Variants in GMDS observed in about 807,000 individuals in gnomAD.
GMDS encodes GDP-mannose 4,6-dehydratase.
In GMDS, 20 loss-of-function variants were observed where a neutral mutation model predicts 49.9. The observed-to-expected ratio is 0.40, with a 90% CI of 0.28 to 0.58. The LOEUF (loss-of-function observed/expected upper bound fraction) is 0.58. Among genes scored for constraint, GMDS ranks in the 20% least tolerant of loss-of-function variants. The pLI, the probability that GMDS is intolerant of heterozygous loss-of-function variation, is 0.42. For missense variants in GMDS, 362 were observed against 481.4 expected (o/e 0.75, Z 2.32); for synonymous variants, 177 against 178.6 (o/e 0.99, Z 0.07).
chr6:1,711,450 T>TAATA (rs1463879932), intron 9 of GMDS, among the ~76,000 whole-genome samples: 1 of 152,210 alleles, frequency 6.6e-6, no homozygotes, highest in Non-Finnish European at 1.5e-5. Context: ...GTAGTAGTAT[T>TAATA]GCCTGAGAAG....
intron 9 of GMDS, among the ~76,000 whole-genome samples, chr6:1,677,510 G>C: frequency 6.6e-6 from 1 of 151,996 alleles, no homozygotes; most frequent in East Asian, 1.9e-4. Context: ...TGTTTATTGT[G>C]GCACTATTCA....
intron 6 of GMDS, among the ~76,000 whole-genome samples, chr6:1,950,990 C>T (rs978024575): frequency 1.3e-5 from 2 of 152,146 alleles, no homozygotes; most frequent in Non-Finnish European, 2.9e-5. Flanking sequence ...CCAATAGTAG[C>T]CCCCTCCTCC....
At chr6:2,028,771 G>A (rs1380138219) in intron 4 of GMDS, among the ~76,000 whole-genome samples, 1 of 152,090 alleles carries the variant, frequency 6.6e-6, no homozygotes, top group Non-Finnish European at 1.5e-5. Flanking sequence ...TAAACAAAAC[G>A]ACAAGTAATG....
At chr6:2,109,777 G>A (rs1191431852) in intron 4 of GMDS, among the ~76,000 whole-genome samples, 2 of 152,212 alleles carry the variant, frequency 1.3e-5, no homozygotes, top group Non-Finnish European at 2.9e-5. Flanking sequence ...CATCCTCTGG[G>A]CACAGGGCCT....
chr6:2,080,010 A>C (rs1772584278), intron 4 of GMDS, among the ~76,000 whole-genome samples: 1 of 151,970 alleles, frequency 6.6e-6, no homozygotes, highest in Non-Finnish European at 1.5e-5. Context: ...TTATTCTTTT[A>C]ACATTATTTC....
At chr6:2,025,270 G>C (rs1768514839) in intron 4 of GMDS, among the ~76,000 whole-genome samples, 1 of 151,466 alleles carries the variant, frequency 6.6e-6, no homozygotes, top group Non-Finnish European at 1.5e-5. Context: ...TTCACATGTT[G>C]TTAATGCCAT....
At chr6:1,745,561 G>C (rs1767459807) in intron 7 of GMDS, among the ~76,000 whole-genome samples, 1 of 152,166 alleles carries the variant, frequency 6.6e-6, no homozygotes, top group South Asian at 2.1e-4. Flanking sequence ...GTTCCCGGCA[G>C]GAATCTAGGG....
chr6:1,780,047 C>T (rs564471727), intron 7 of GMDS, among the ~76,000 whole-genome samples: 29 of 152,324 alleles, frequency 1.9e-4, no homozygotes, highest in Admixed American at 1.7e-3. Flanking sequence ...CAGGAGCCAC[C>T]GTGAGCACGC....
chr6:1,655,114 C>T (rs1581417318), intron 9 of GMDS, among the ~76,000 whole-genome samples: 1 of 151,030 alleles, frequency 6.6e-6, no homozygotes, highest in South Asian at 2.1e-4. Flanking sequence ...TAAAATAACT[C>T]ACTATACTGA....
At chr6:1,632,314 A>G (rs145217814) in intron 9 of GMDS, among the ~76,000 whole-genome samples, 1 of 152,324 alleles carries the variant, frequency 6.6e-6, no homozygotes, top group Admixed American at 6.5e-5. Flanking sequence ...TTAATGCTGG[A>G]TGGAAACTGA....
intron 7 of GMDS, among the ~76,000 whole-genome samples, chr6:1,769,638 C>A (rs959447809): frequency 6.6e-6 from 1 of 152,222 alleles, no homozygotes; most frequent in Non-Finnish European, 1.5e-5. Flanking sequence ...AACAAACCAA[C>A]ATCAATTAGC....
intron 7 of GMDS, among the ~76,000 whole-genome samples, chr6:1,794,782 T>C (rs562110744): frequency 4.2e-4 from 64 of 152,352 alleles, no homozygotes; most frequent in South Asian, 2.5e-3. Flanking sequence ...AAAAATCATA[T>C]GGAACCTCTG....
intron 4 of GMDS, among the ~76,000 whole-genome samples, chr6:2,110,316 G>A (rs1255293342): frequency 2.0e-5 from 3 of 148,000 alleles, no homozygotes; most frequent in South Asian, 2.1e-4. Flanking sequence ...ATTAAGGTAC[G>A]GATTTCAACT....
intron 7 of GMDS, among the ~76,000 whole-genome samples, chr6:1,897,415 G>A (rs1760258015): frequency 6.6e-6 from 1 of 152,170 alleles, no homozygotes. Context: ...TTGGGGTTAG[G>A]TGGCAAAATT....
chr6:2,156,402 A>G (rs1156271898), intron 1 of GMDS, among the ~76,000 whole-genome samples: 1 of 152,188 alleles, frequency 6.6e-6, no homozygotes, highest in African/African-American at 2.4e-5. Context: ...ATCAAAGGCA[A>G]GCCTGCCTGC....
intron 9 of GMDS, among the ~76,000 whole-genome samples, chr6:1,691,656 G>A (rs1765178672): frequency 6.6e-6 from 1 of 152,144 alleles, no homozygotes; most frequent in Non-Finnish European, 1.5e-5. Context: ...GTTTTATATG[G>A]TATAGTTACA....
intron 4 of GMDS, among the ~76,000 whole-genome samples, 159 bp downstream of exon 4, chr6:2,115,612 T>C (rs2127499478): frequency 6.6e-6 from 1 of 152,348 alleles, no homozygotes; most frequent in East Asian, 1.9e-4. Context: ...AAAAAATCTA[T>C]GAGTACTTCA....
intron 1 of GMDS, among the ~76,000 whole-genome samples, chr6:2,179,292 A>C (rs961637385): frequency 1.3e-5 from 2 of 152,188 alleles, no homozygotes; most frequent in African/African-American, 4.8e-5. Context: ...GAAGACAAAA[A>C]GGTTATGCCA....
At chr6:1,797,517 AAGTATATGTC>A (rs1326846397) in intron 7 of GMDS, among the ~76,000 whole-genome samples, 2 of 152,228 alleles carry the variant, frequency 1.3e-5, no homozygotes, top group African/African-American at 4.8e-5. Context: ...GCACAGTGGC[AAGTATATGTC>A]AGTACTATCA....
Sources: allele counts gnomAD v4.1 joint callset (sites outside exome capture counted in the v4.1 genomes callset), GRCh38; gene constraint gnomAD v4.1.1; transcripts MANE v1.5; gene names NCBI Gene and HGNC (gene_info 2026-07-23, HGNC 2026-07-21).